Variants in FRMD3 observed in about 807,000 individuals in gnomAD.
The protein encoded by FRMD3 is FERM domain-containing protein 3.
A neutral mutation model predicts 70.2 loss-of-function variants in FRMD3; 33 were observed. That is an observed-to-expected ratio of 0.47 (90% confidence interval 0.36 to 0.63). The LOEUF (loss-of-function observed/expected upper bound fraction) is 0.63. Ranked by LOEUF, FRMD3 falls within the 20% of genes least tolerant of loss-of-function variation. FRMD3 has a pLI of 0.00. For synonymous variants in FRMD3, 279 were observed against 255.9 expected (o/e 1.09, Z -0.86); for missense variants, 632 against 711.4 (o/e 0.89, Z 1.27).
rs139300164 is a variant in FRMD3, at chr9:83,257,425, G to T, written c.1196-8909C>A. Among the ~76,000 whole-genome samples, 5 of 152,210 alleles carry T rather than the reference G, an allele frequency of 3.3e-5. No individual in the cohort carries two copies. The East Asian group carries it at 9.7e-4, about 29-fold the overall frequency. ...GAGGAATGGATGCTGAGCCCTAGGT[G>T]ATGGGATGACCTGTGTAGCAAACCA... On this transcript the variant is annotated intron_variant, in intron 13 of 13. Coordinates refer to ENST00000304195, the MANE Select transcript of FRMD3 (RefSeq NM_174938.6).
intron 1 of FRMD3, among the ~76,000 whole-genome samples, chr9:83,514,264 G>C (rs539737669): frequency 4.6e-5 from 7 of 152,144 alleles, no homozygotes; most frequent in African/African-American, 1.7e-4. Context: ...TGGAATGCTC[G>C]AGCTTGGTGG....
the FRMD3 span, among the ~76,000 whole-genome samples, chr9:83,562,876 G>C: frequency 6.6e-6 from 1 of 151,754 alleles, no homozygotes; most frequent in East Asian, 1.9e-4. Flanking sequence ...AACCATGTCT[G>C]GTTGTATGGC....
intron 1 of FRMD3, among the ~76,000 whole-genome samples, chr9:83,421,763 G>A (rs1826650279): frequency 6.6e-6 from 1 of 152,184 alleles, no homozygotes; most frequent in Non-Finnish European, 1.5e-5. Flanking sequence ...TAACTTTTCT[G>A]AGTAGCATAA....
At chr9:83,575,878 G>A in the FRMD3 span, among the ~76,000 whole-genome samples, 1 of 152,014 alleles carries the variant, frequency 6.6e-6, no homozygotes, top group South Asian at 2.1e-4. Context: ...TAGAAAAGTA[G>A]GGAATTCTTT....
intron 12 of FRMD3, among the ~76,000 whole-genome samples, chr9:83,295,374 T>G (rs73481829): frequency 0.024 from 3,654 of 152,248 alleles, 148 homozygotes; most frequent in African/African-American, 0.083. Context: ...TCCTTGAAAT[T>G]AAAAGAAGTA....
chr9:83,431,397 T>C (rs867399584), intron 1 of FRMD3, among the ~76,000 whole-genome samples: 2 of 152,218 alleles, frequency 1.3e-5, no homozygotes, highest in Non-Finnish European at 2.9e-5. Context: ...TCCAAAATCA[T>C]CTTTGTTTTC....
chr9:83,352,875 T>A (rs1210702018), intron 3 of FRMD3, among the ~76,000 whole-genome samples: 1 of 152,166 alleles, frequency 6.6e-6, no homozygotes, highest in Admixed American at 6.5e-5. Context: ...TCTTTTCATA[T>A]CTGCTGTTGC....
intron 1 of FRMD3, among the ~76,000 whole-genome samples, chr9:83,481,961 C>CA (rs3083249): frequency 1.2e-3 from 163 of 133,050 alleles, no homozygotes; most frequent in Admixed American, 2.9e-3. Flanking sequence ...TGTTTCATAA[C>CA]AAAAAAAAAA....
At chr9:83,356,611 C>T (rs991986543) in intron 3 of FRMD3, among the ~76,000 whole-genome samples, 3 of 151,644 alleles carry the variant, frequency 2.0e-5, no homozygotes, top group Non-Finnish European at 4.4e-5. Flanking sequence ...CAAACGTTTT[C>T]CTCCAGTCAT....
chr9:83,488,913 G>T (rs1390302558), intron 1 of FRMD3, among the ~76,000 whole-genome samples: 1 of 151,634 alleles, frequency 6.6e-6, no homozygotes, highest in Non-Finnish European at 1.5e-5. Context: ...TGAGTTGATT[G>T]TCAAGTCATC....
chr9:83,410,618 A>G (rs112917860), intron 1 of FRMD3, among the ~76,000 whole-genome samples: 254 of 152,322 alleles, frequency 1.7e-3, no homozygotes, highest in African/African-American at 5.9e-3. Context: ...ATACAAGTCT[A>G]TGGGTCTTTT....
chr9:83,533,933 G>C (rs1829839877), intron 1 of FRMD3, among the ~76,000 whole-genome samples: 1 of 152,058 alleles, frequency 6.6e-6, no homozygotes, highest in African/African-American at 2.4e-5. Flanking sequence ...ACCCAAAAAA[G>C]TCAGTATTAA....
rs146257622 is a variant in FRMD3 at position 83,344,733 on chromosome 9, G to A, written c.375-1446C>T. On this transcript the variant is annotated intron_variant, in intron 4 of 13. Transcript: ENST00000304195. The stretch of plus-strand genomic sequence containing the variant: ...TCCAGGTTACAGACAGCAGATCATG[G>A]AATACCTCAGCCCTCATAATCACAT... Among the ~76,000 whole-genome samples the A allele has an allele frequency of 9.2e-5, 14 of 152,036 alleles. 1 individual carries two copies. The East Asian group carries it at 2.7e-3, about 29-fold the overall frequency.
intron 2 of FRMD3, among the ~76,000 whole-genome samples, chr9:83,374,321 T>G (rs950022564): frequency 6.6e-6 from 1 of 152,094 alleles, no homozygotes; most frequent in African/African-American, 2.4e-5. Flanking sequence ...GTCAAATCTC[T>G]GCAGTCTTCA....
the FRMD3 span, among the ~76,000 whole-genome samples, chr9:83,561,063 T>C: frequency 2.0e-5 from 3 of 152,238 alleles, no homozygotes; most frequent in Admixed American, 1.3e-4. Context: ...AGAAGTTCCA[T>C]GGTATTATTC....
rs1554713917 is a variant in FRMD3 at position 83,507,736 on chromosome 9, A to ATATATC, written c.147+30348_147+30349insGATATA. 3.6e-3 allele frequency among the ~76,000 whole-genome samples: 318 copies of ATATATC among 88,646 alleles called. 30 individuals are homozygous for ATATATC. The highest frequency in any genetic ancestry group is 6.8e-3 in the South Asian group (16 of 2,358). 58.2% of individuals were successfully genotyped at this position (88,646 alleles called of 152,430 possible). Reference sequence around the variant, plus strand: ...TATATATATATATATATATATATATATATCTTCTGGAATATTTCCTGAAGG... The same window carrying ATATATC: ...TATATATATATATATATATATATATATATATCTATCTTCTGGAATATTTCCTGAAGG... On this transcript the variant is annotated intron_variant, in intron 1 of 13. Coordinates refer to ENST00000304195, the MANE Select transcript of FRMD3 (RefSeq NM_174938.6).
At chr9:83,433,347 G>A (rs1244775277) in intron 1 of FRMD3, among the ~76,000 whole-genome samples, 1 of 152,134 alleles carries the variant, frequency 6.6e-6, no homozygotes, top group Non-Finnish European at 1.5e-5. Flanking sequence ...CAGGAGGTTA[G>A]GACACCATAA....
chr9:83,429,833 C>T (rs187625293), intron 1 of FRMD3, among the ~76,000 whole-genome samples: 3 of 152,188 alleles, frequency 2.0e-5, no homozygotes, highest in Admixed American at 6.5e-5. Flanking sequence ...ATTCAGCCCC[C>T]TGGCTCCAAC....
At chr9:83,322,042 C>G (rs143967831) in intron 6 of FRMD3, among the ~76,000 whole-genome samples, 196 of 152,148 alleles carry the variant, frequency 1.3e-3, no homozygotes, top group African/African-American at 4.4e-3. Flanking sequence ...GAACTCGGCC[C>G]ACGGTGGAGT....
Sources: allele counts gnomAD v4.1 joint callset (sites outside exome capture counted in the v4.1 genomes callset), GRCh38; gene constraint gnomAD v4.1.1; transcripts MANE v1.5; gene names NCBI Gene and HGNC (gene_info 2026-07-23, HGNC 2026-07-21).